CDKN2C: variants seen among roughly 807,000 people sequenced by gnomAD.
The protein encoded by CDKN2C is cyclin-dependent kinase 4 inhibitor C.
In CDKN2C, 5 loss-of-function variants were observed where a neutral mutation model predicts 11.0. The observed-to-expected ratio is 0.45, with a 90% CI of 0.24 to 0.95. The LOEUF is 0.95. Among genes scored for constraint, CDKN2C ranks in the 40% least tolerant of loss-of-function variants. CDKN2C has a pLI of 0.21. For synonymous variants in CDKN2C, 79 were observed against 88.3 expected (o/e 0.89, Z 0.59); for missense variants, 161 against 211.9 (o/e 0.76, Z 1.49).
At chr1:50,961,551 G>A (rs1645323323) in intron 1 of CDKN2C, among the ~76,000 whole-genome samples, 2 of 152,234 alleles carry the variant, frequency 1.3e-5, no homozygotes, top group African/African-American at 4.8e-5. Context: ...GGATTGTCAT[G>A]GGGCATTTAC....
chr1:50,970,486 A>G lies in CDKN2C; in HGVS notation c.118A>G (p.Thr40Ala). 6.2e-7 allele frequency: 1 copy of G among 1,614,148 alleles called. No homozygotes were observed. Among genetic ancestry groups the G allele is most frequent in the Non-Finnish European group, 8.5e-7 (1 of 1,180,016 alleles). ...NVNAQNGFGR[T>A]ALQVMKLGNP... The stretch of plus-strand genomic sequence containing the variant: ...CAATGCACAAAATGGATTTGGAAGG[A>G]CTGCGCTGCAGGTTGGTATTAAGAG... Residue 40 changes from threonine (T) to alanine (A), a missense_variant, in exon 1 of 2, where the codon ACT becomes GCT. Coordinates refer to ENST00000371761, the MANE Select transcript of CDKN2C (RefSeq NM_078626.3).
upstream of CDKN2C, among the ~76,000 whole-genome samples, chr1:50,966,882 T>C (rs1403976914): frequency 1.3e-5 from 2 of 152,218 alleles, no homozygotes; most frequent in Non-Finnish European, 2.9e-5. Context: ...TATTTCTATA[T>C]AAGGAAGAGG....
At chr1:50,973,799 A>C in intron 1 of CDKN2C, 94 bp from the exon 2 acceptor site, 1 of 1,463,126 alleles carries the variant, frequency 6.8e-7, no homozygotes, top group Non-Finnish European at 9.5e-7. Flanking sequence ...ATCAAAAATA[A>C]ATAGTTACAT....
At chr1:50,973,765 C>T in intron 1 of CDKN2C, 128 bp from the exon 2 acceptor site, 1 of 1,144,288 alleles carries the variant, frequency 8.7e-7, no homozygotes. Flanking sequence ...AAGCCCCATC[C>T]TATGGGTCTT....
Position 50,974,609 on chromosome 1 carries a change from C to T in CDKN2C, c.*339C>T, listed in dbSNP as rs778998106. 1.1e-5 allele frequency: 3 copies of T among 270,404 alleles called. No individual in the cohort carries two copies. Among genetic ancestry groups the T allele is most frequent in the African/African-American group, 4.3e-5 (2 of 46,180 alleles). The allele number at this position is 270,404 out of a possible 1,614,324, so 16.8% of individuals were successfully genotyped here. ...AAATGGTTTGTCCTGATGCTTTTGTCTAATTAAAACACTTTCAAAACAGGA... is the reference window on the plus strand; with the variant it reads ...AAATGGTTTGTCCTGATGCTTTTGTTTAATTAAAACACTTTCAAAACAGGA... On this transcript the variant is annotated 3_prime_UTR_variant, in exon 2 of 2. Transcript: ENST00000371761.
upstream of CDKN2C, chr1:50,969,199 C>G (rs530868851): frequency 4.4e-4 from 67 of 152,590 alleles, no homozygotes; most frequent in African/African-American, 1.5e-3. The surrounding 1 kb of genome is among the most constrained non-coding windows in gnomAD (Gnocchi z 6.6). Flanking sequence ...CTACTCAGAA[C>G]TTGGCCTACG....
At chr1:50,972,151 A>G (rs1645384478) in intron 1 of CDKN2C, among the ~76,000 whole-genome samples, 1 of 152,086 alleles carries the variant, frequency 6.6e-6, no homozygotes, top group South Asian at 2.1e-4. Flanking sequence ...CCTTAATCGT[A>G]TGTTTGCTTT....
intron 1 of CDKN2C, among the ~76,000 whole-genome samples, chr1:50,963,413 A>G (rs2124775215): frequency 6.6e-6 from 1 of 152,376 alleles, no homozygotes; most frequent in African/African-American, 2.4e-5. Context: ...CAGATACATT[A>G]CAAACTTTAT....
At chr1:50,969,537 C>T (rs1421809195), upstream of CDKN2C, 2 of 152,156 alleles carry the variant, frequency 1.3e-5, no homozygotes, top group Admixed American at 6.5e-5. The surrounding 1 kb of genome is among the most constrained non-coding windows in gnomAD (Gnocchi z 6.6). Context: ...GAGCCCGGCT[C>T]CCACGGCCTC....
intron 1 of CDKN2C, among the ~76,000 whole-genome samples, chr1:50,965,221 C>T (rs1042177982): frequency 6.7e-6 from 1 of 148,762 alleles, no homozygotes; most frequent in South Asian, 2.1e-4. Context: ...ACTTTCAGGC[C>T]GGGTGCGGTG....
upstream of CDKN2C, among the ~76,000 whole-genome samples, chr1:50,966,245 G>A (rs1205323628): frequency 2.6e-5 from 4 of 152,000 alleles, no homozygotes; most frequent in African/African-American, 9.7e-5. Flanking sequence ...GTTTAACCAT[G>A]TTGGCCAGGC....
intron 1 of CDKN2C, among the ~76,000 whole-genome samples, chr1:50,972,377 T>G (rs1407727980): frequency 6.6e-6 from 1 of 152,140 alleles, no homozygotes; most frequent in Admixed American, 6.5e-5. Context: ...CTTAATATCT[T>G]GTCCATCTAT....
At position 50,974,508 on chromosome 1, in the gene CDKN2C, A is replaced by C; in HGVS notation, c.*238A>C. On this transcript the variant is annotated 3_prime_UTR_variant, in exon 2 of 2. Transcript: ENST00000371761. ...AGATAACTTTGACTTTCTTCTGAATATTTTATCTTTCCTTGGCTTTTCCCT... is the reference window on the plus strand; with the variant it reads ...AGATAACTTTGACTTTCTTCTGAATCTTTTATCTTTCCTTGGCTTTTCCCT... 2.5e-6 allele frequency: 1 copy of C among 399,666 alleles called. No individual in the cohort carries two copies. The highest frequency in any genetic ancestry group is 4.4e-6 in the Non-Finnish European group (1 of 226,402). 24.8% of individuals were successfully genotyped at this position (399,666 alleles called of 1,614,324 possible).
rs1645386092 is a variant in CDKN2C, at chr1:50,972,500, A to G, written c.130-1393A>G. Among the ~76,000 whole-genome samples the G allele has an allele frequency of 3.9e-5, 6 of 152,172 alleles. 1 individual carries two copies. In the South Asian group the frequency reaches 1.2e-3, roughly 32 times the overall value. On this transcript the variant is annotated intron_variant, in intron 1 of 1. Transcript: ENST00000371761. ...AAGATAGAACGACTTTGTATTTTCC[A>G]TTAGCATTTAATTTCATAAACATTG...
At position 50,974,323 on chromosome 1, in the gene CDKN2C, C is replaced by T; in HGVS notation, c.*53C>T. On this transcript the variant is annotated 3_prime_UTR_variant, in exon 2 of 2. Transcript: ENST00000371761. Reference sequence around the variant, plus strand: ...TCTACTTTATCAATTAACTGAGTAGCTCTCCTGACTTTTAATGTCATTTGT... The same window carrying T: ...TCTACTTTATCAATTAACTGAGTAGTTCTCCTGACTTTTAATGTCATTTGT... The T allele has an allele frequency of 6.7e-7, 1 of 1,486,848 alleles. No homozygotes were observed. The highest frequency in any genetic ancestry group is 9.0e-7 in the Non-Finnish European group (1 of 1,110,250). The allele number at this position is 1,486,848 out of a possible 1,614,324, so 92.1% of individuals were successfully genotyped here. A position where few individuals can be genotyped will look rare whatever the true frequency, so the allele number is the denominator to read the frequency against.
chr1:50,974,216 GGTT>G lies in CDKN2C; in HGVS notation c.457_459del (p.Val153del). On this transcript the variant is annotated inframe_deletion, in exon 2 of 2. Transcript: ENST00000371761. ...TGGCCAGGCTCTATGGGAGGAATGA[GGTT>G]GTTAGCCTGATGCAGGCAAACGGGG... The G allele has an allele frequency of 6.2e-7, 1 of 1,603,102 alleles. No homozygotes were observed. Among genetic ancestry groups the G allele is most frequent in the Non-Finnish European group, 8.5e-7 (1 of 1,172,560 alleles).
rs1645399846 is a variant in CDKN2C, at chr1:50,974,610, T to A, written c.*340T>A. ...AATGGTTTGTCCTGATGCTTTTGTC[T>A]AATTAAAACACTTTCAAAACAGGAC... On this transcript the variant is annotated 3_prime_UTR_variant, in exon 2 of 2. Coordinates refer to ENST00000371761, the MANE Select transcript of CDKN2C (RefSeq NM_078626.3). The A allele has an allele frequency of 3.7e-6, 1 of 270,060 alleles. No homozygotes were observed. The highest frequency in any genetic ancestry group is 2.2e-5 in the African/African-American group (1 of 46,182). 16.7% of individuals were successfully genotyped at this position (270,060 alleles called of 1,614,324 possible).
intron 1 of CDKN2C, among the ~76,000 whole-genome samples, chr1:50,973,464 TA>T (rs1477763370): frequency 6.6e-6 from 1 of 152,336 alleles, no homozygotes; most frequent in East Asian, 1.9e-4. Context: ...TTTCTAGAAT[TA>T]ATACCACAGG....
At position 50,973,993 on chromosome 1, in the gene CDKN2C, C is replaced by T. The variant is rs746646631; in HGVS notation, c.230C>T (p.Ala77Val). The T allele has an allele frequency of 6.8e-6, 11 of 1,614,072 alleles. No homozygotes were observed. The highest frequency in any genetic ancestry group is 3.3e-5 in the South Asian group (3 of 91,090). Reference sequence around the variant, plus strand: ...ACTGGTTTCGCTGTCATTCATGATGCGGCCAGAGCAGGTTTCCTGGACACT... The same window carrying T: ...ACTGGTTTCGCTGTCATTCATGATGTGGCCAGAGCAGGTTTCCTGGACACT... ...DRTGFAVIHD[A>V]ARAGFLDTLQ... Residue 77 changes from alanine (A) to valine (V), a missense_variant, in exon 2 of 2, where the codon GCG becomes GTG. Transcript: ENST00000371761.
Sources: gnomAD v4.1 joint callset for allele counts (sites outside exome capture counted in the v4.1 genomes callset) on GRCh38, gnomAD v4.1.1 for gene constraint, Gnocchi (gnomAD v3.1) non-coding constraint, MANE v1.5 for transcripts, NCBI Gene and HGNC (gene_info 2026-07-23, HGNC 2026-07-21) for gene names.